Variants in RFC2 observed in about 807,000 individuals in gnomAD.
RFC2 encodes the protein A1 40 kDa subunit.
A neutral mutation model predicts 44.8 loss-of-function variants in RFC2; 34 were observed. The observed-to-expected ratio is 0.76, with a 90% CI of 0.58 to 1.01. The LOEUF is 1.01. RFC2 is among the 50% of genes least tolerant of loss of function. The probability of loss-of-function intolerance (pLI) is 0.00; values close to 1 mark genes in which losing one functional copy is unlikely to be tolerated. For missense variants in RFC2, 400 were observed against 453.6 expected (o/e 0.88, Z 1.07); for synonymous variants, 177 against 168.9 (o/e 1.05, Z -0.37).
intron 10 of RFC2, among the ~76,000 whole-genome samples, chr7:74,232,682 T>C (rs1802797286): frequency 1.3e-5 from 2 of 152,042 alleles, no homozygotes; most frequent in Non-Finnish European, 2.9e-5. Context: ...CTGACCAACA[T>C]GGTAAAACCC....
Position 74,232,048 on chromosome 7 carries a change from C to CCG in RFC2, c.*56_*57dup. 9.8e-7 allele frequency: 1 copy of CCG among 1,019,696 alleles called. No individual in the cohort carries two copies. The highest frequency in any genetic ancestry group is 1.3e-5 in the South Asian group (1 of 75,818). 63.2% of individuals were successfully genotyped at this position (1,019,696 alleles called of 1,614,324 possible). A position where few individuals can be genotyped will look rare whatever the true frequency, so the allele number is the denominator to read the frequency against. On this transcript the variant is annotated 3_prime_UTR_variant, in exon 11 of 11. Transcript: ENST00000055077. ...GGCGGCATTTTCCCCCATCAGAAAG[C>CCG]CGCGGCTCCTGTACCTCAGAATAGG...
At chr7:74,232,956 T>G (rs1351638869) in intron 10 of RFC2, among the ~76,000 whole-genome samples, 1 of 152,144 alleles carries the variant, frequency 6.6e-6, no homozygotes, top group Non-Finnish European at 1.5e-5. Flanking sequence ...AGCTCACACC[T>G]GTAATCCCAG....
Position 74,243,113 on chromosome 7 carries a change from C to T in RFC2, c.535+33G>A, listed in dbSNP as rs368898283. 1.7e-4 allele frequency: 240 copies of T among 1,425,140 alleles called. 1 individual carries two copies. In the African/African-American group the frequency reaches 2.3e-3, roughly 14 times the overall value. The allele number at this position is 1,425,140 out of a possible 1,614,324, so 88.3% of individuals were successfully genotyped here. The stretch of plus-strand genomic sequence containing the variant: ...AAGAAAAAAGCCCAGTTGAGCACCA[C>T]GTGGCCCCCAGCCACCGAAAGCTCC... On this transcript the variant is annotated intron_variant, in intron 6 of 10. Transcript: ENST00000055077.
At chr7:74,245,714 C>CAAAAAAAAAAA (rs1182981268) in intron 5 of RFC2, among the ~76,000 whole-genome samples, 1 of 65,868 alleles carries the variant, frequency 1.5e-5, no homozygotes, top group African/African-American at 5.0e-5. Context: ...CTCCGTCTCA[C>CAAAAAAAAAAA]AAAAAAAAAA....
chr7:74,248,922 G>T, intron 4 of RFC2, 90 bp downstream of exon 4: 2 of 879,574 alleles, frequency 2.3e-6, no homozygotes, highest in Non-Finnish European at 3.8e-6. Flanking sequence ...GCAAGGCTTC[G>T]CATACAACCC....
At chr7:74,247,000 G>A (rs1336023238) in intron 4 of RFC2, among the ~76,000 whole-genome samples, 2 of 144,628 alleles carry the variant, frequency 1.4e-5, no homozygotes, top group Non-Finnish European at 3.0e-5. Context: ...TCTTCAGACA[G>A]GGTCTCGCTG....
At chr7:74,250,403 G>C (rs879984899) in intron 2 of RFC2, among the ~76,000 whole-genome samples, 45 of 151,916 alleles carry the variant, frequency 3.0e-4, no homozygotes, top group Admixed American at 3.0e-3. Flanking sequence ...TGATCCTCCT[G>C]CTTTGGCCTC....
At chr7:74,243,331 GACAC>G in intron 5 of RFC2, 85 bp from the exon 6 acceptor site, 1 of 889,570 alleles carries the variant, frequency 1.1e-6, no homozygotes, top group Non-Finnish European at 1.9e-6. Flanking sequence ...CAGGACATAA[GACAC>G]ATCCAATGTC....
chr7:74,237,502 C>A lies in RFC2; in HGVS notation c.760-60G>T, dbSNP rs1487570824. ...AGAAGGGACAATGTGAGCGGGGAGGCCCCAACAGACCGACTTCCAGGCAAT... is the reference window on the plus strand; with the variant it reads ...AGAAGGGACAATGTGAGCGGGGAGGACCCAACAGACCGACTTCCAGGCAAT... On this transcript the variant is annotated intron_variant, in intron 8 of 10. Transcript: ENST00000055077. The A allele has an allele frequency of 4.7e-6, 5 of 1,059,130 alleles. 1 individual carries two copies. Among genetic ancestry groups the A allele is most frequent in the South Asian group, 4.2e-5 (2 of 48,092 alleles). 65.6% of individuals were successfully genotyped at this position (1,059,130 alleles called of 1,614,324 possible). A position where few individuals can be genotyped will look rare whatever the true frequency, so the allele number is the denominator to read the frequency against.
chr7:74,244,315 A>G (rs1485905513), intron 5 of RFC2, among the ~76,000 whole-genome samples: 5 of 151,108 alleles, frequency 3.3e-5, no homozygotes, highest in Non-Finnish European at 7.4e-5. Context: ...TATATTCTAA[A>G]TTTTCTTCAA....
intron 9 of RFC2, among the ~76,000 whole-genome samples, chr7:74,236,539 C>T (rs1429437245): frequency 1.3e-5 from 2 of 152,190 alleles, no homozygotes; most frequent in African/African-American, 4.8e-5. Context: ...CTGGAATCTG[C>T]TCACAGCACT....
intron 9 of RFC2, 100 bp from the exon 10 acceptor site, chr7:74,235,745 C>G: frequency 1.3e-6 from 1 of 767,722 alleles, no homozygotes; most frequent in Non-Finnish European, 2.4e-6. Context: ...CCCTTCAGGT[C>G]ACATGGGGGT....
At chr7:74,250,753 G>A (rs1786884452) in intron 2 of RFC2, among the ~76,000 whole-genome samples, 1 of 151,948 alleles carries the variant, frequency 6.6e-6, no homozygotes, top group East Asian at 1.9e-4. Flanking sequence ...TTCCCATCCT[G>A]TAACCACGAC....
chr7:74,235,140 G>A (rs548819406), intron 10 of RFC2, among the ~76,000 whole-genome samples: 32 of 152,252 alleles, frequency 2.1e-4, no homozygotes, highest in African/African-American at 5.8e-4. Flanking sequence ...AGGTTCAAGC[G>A]ATCCTCCTCC....
At position 74,239,994 on chromosome 7, in the gene RFC2, A is replaced by G. The variant is rs1554719003; in HGVS notation, c.637T>C (p.Tyr213His). 4 of 1,613,610 alleles carry G rather than the reference A, an allele frequency of 2.5e-6. No homozygotes were observed. The Middle Eastern group carries it at 5.0e-4, about 200-fold the overall frequency. The change falls in exon 7 of 11, where the codon TAC becomes CAC. Residue 213 changes from tyrosine (Y) to histidine (H), a missense_variant. By Grantham distance (83) the Tyr-to-His change is moderately conservative. Transcript: ENST00000055077. The part of the protein sequence containing the change: ...MNVIEKERVP[Y>H]TDDGLEAIIF... ...ATGGCTTCTAGGCCGTCATCAGTGTAGGGTACCCTCTCCTTCTCGATAACA... is the reference window on the plus strand; with the variant it reads ...ATGGCTTCTAGGCCGTCATCAGTGTGGGGTACCCTCTCCTTCTCGATAACA...
At chr7:74,233,896 T>C (rs1802866650) in intron 10 of RFC2, 1 of 456,644 alleles carries the variant, frequency 2.2e-6, no homozygotes, top group Non-Finnish European at 4.4e-6. Flanking sequence ...TGGCAGTTCC[T>C]TATCGAGTAA....
chr7:74,251,552 C>A (rs1786944988), intron 2 of RFC2, among the ~76,000 whole-genome samples: 1 of 152,132 alleles, frequency 6.6e-6, no homozygotes, highest in Non-Finnish European at 1.5e-5. Context: ...GTAATCCCAG[C>A]ACTTTGGGAG....
intron 3 of RFC2, chr7:74,249,340 A>C (rs1312835076): frequency 1.5e-6 from 1 of 660,550 alleles, no homozygotes; most frequent in Admixed American, 2.9e-5. Context: ...CAGGAGTTCA[A>C]GACCAGACTG....
Position 74,231,873 on chromosome 7 carries a change from T to C in RFC2, c.*233A>G. On this transcript the variant is annotated 3_prime_UTR_variant, in exon 11 of 11. Coordinates refer to ENST00000055077, the MANE Select transcript of RFC2 (RefSeq NM_181471.3). ...TTTTATATTTTTAGTAAAGACAGGG[T>C]TTCCCCATGTTGGCCAGGCTGGTCT... The C allele has an allele frequency of 5.4e-6, 2 of 367,236 alleles. No homozygotes were observed. The highest frequency in any genetic ancestry group is 9.9e-6 in the Non-Finnish European group (2 of 202,102). The allele number at this position is 367,236 out of a possible 1,614,324, so 22.7% of individuals were successfully genotyped here.
Sources: allele counts gnomAD v4.1 joint callset (sites outside exome capture counted in the v4.1 genomes callset), GRCh38; gene constraint gnomAD v4.1.1; transcripts MANE v1.5; gene names NCBI Gene and HGNC (gene_info 2026-07-23, HGNC 2026-07-21).